PPP2R2B: variants seen among roughly 807,000 people sequenced by gnomAD.
PPP2R2B encodes serine/threonine-protein phosphatase 2A 55 kDa regulatory subunit B beta isoform.
In PPP2R2B, 5 loss-of-function variants were observed where a neutral mutation model predicts 46.0. The observed-to-expected ratio is 0.11, with a 90% CI of 0.06 to 0.23. The LOEUF (loss-of-function observed/expected upper bound fraction) is 0.23. Among genes scored for constraint, PPP2R2B ranks in the 10% least tolerant of loss-of-function variants. The pLI is 1.00. For missense variants in PPP2R2B, 367 were observed against 575.0 expected (o/e 0.64, Z 3.70); for synonymous variants, 215 against 206.7 (o/e 1.04, Z -0.34).
chr5:146,763,855 T>C (rs189961291), intron 2 of PPP2R2B, among the ~76,000 whole-genome samples: 170 of 152,224 alleles, frequency 1.1e-3, no homozygotes, highest in Non-Finnish European at 1.9e-3. Flanking sequence ...CCCAAGTAGG[T>C]GGGACTACAG....
At chr5:146,754,028 T>A (rs1290859906) in intron 2 of PPP2R2B, among the ~76,000 whole-genome samples, 1 of 152,110 alleles carries the variant, frequency 6.6e-6, no homozygotes, top group Non-Finnish European at 1.5e-5. Context: ...GGATAATTTC[T>A]CATCATAAAT....
intron 1 of PPP2R2B, among the ~76,000 whole-genome samples, chr5:147,012,414 C>T (rs908691651): frequency 3.9e-5 from 6 of 151,976 alleles, no homozygotes; most frequent in African/African-American, 1.4e-4. Context: ...TCTGTGGGAT[C>T]AGTGGTGATA....
At chr5:146,887,220 T>C (rs1362496368) in intron 1 of PPP2R2B, among the ~76,000 whole-genome samples, 1 of 152,118 alleles carries the variant, frequency 6.6e-6, no homozygotes, top group Non-Finnish European at 1.5e-5. Context: ...ATCTTTGAAA[T>C]CTGGTGTTTT....
At chr5:146,737,221 C>T (rs1402685603) in intron 2 of PPP2R2B, among the ~76,000 whole-genome samples, 1 of 152,124 alleles carries the variant, frequency 6.6e-6, no homozygotes, top group African/African-American at 2.4e-5. Flanking sequence ...ATTGACTTGT[C>T]CTGATTAGGA....
intron 1 of PPP2R2B, among the ~76,000 whole-genome samples, chr5:146,918,542 A>G (rs1322957591): frequency 1.3e-5 from 2 of 152,200 alleles, no homozygotes; most frequent in African/African-American, 2.4e-5. Flanking sequence ...AGGACTTCCC[A>G]TTGCCTTTAG....
chr5:146,737,837 T>TGCTGAGGTG (rs1372920973), intron 2 of PPP2R2B, among the ~76,000 whole-genome samples: 8 of 151,544 alleles, frequency 5.3e-5, no homozygotes, highest in Admixed American at 1.3e-4. Context: ...CTACTTGGGA[T>TGCTGAGGTG]GCTGAGGTGG....
intron 2 of PPP2R2B, among the ~76,000 whole-genome samples, chr5:146,738,594 A>G (rs1752681522): frequency 1.3e-5 from 2 of 152,122 alleles, no homozygotes; most frequent in African/African-American, 4.8e-5. Context: ...TATTTTGCAC[A>G]GTGTTAAGCA....
chr5:146,659,136 T>C lies in PPP2R2B; in HGVS notation c.448-8412A>G, dbSNP rs1373754796. ...ATGAAGCTTTTGACTTAAAAAAAAT[T>C]TGTTCACATATTCTTTTAGTGGGTA... On this transcript the variant is annotated intron_variant, in intron 5 of 9. Transcript: ENST00000394411. 1.2e-4 allele frequency among the ~76,000 whole-genome samples: 18 copies of C among 152,160 alleles called. 1 individual carries two copies. The highest frequency in any genetic ancestry group is 4.3e-4 in the African/African-American group (18 of 41,434).
chr5:147,011,363 A>G (rs907770985), intron 1 of PPP2R2B, among the ~76,000 whole-genome samples: 70 of 152,112 alleles, frequency 4.6e-4, no homozygotes, highest in African/African-American at 1.6e-3. Flanking sequence ...GTCTGTAAAA[A>G]TTATCACCCT....
At chr5:146,760,735 G>A (rs1336763633) in intron 2 of PPP2R2B, among the ~76,000 whole-genome samples, 1 of 152,000 alleles carries the variant, frequency 6.6e-6, no homozygotes, top group African/African-American at 2.4e-5. Flanking sequence ...GGGGAGGGGT[G>A]CTTTTTCAAA....
intron 2 of PPP2R2B, among the ~76,000 whole-genome samples, chr5:146,749,597 TTTTC>T (rs949987139): frequency 6.6e-6 from 1 of 150,646 alleles, no homozygotes; most frequent in Non-Finnish European, 1.5e-5. Context: ...CCTTTTTTTC[TTTTC>T]TTTTCTTTTT....
chr5:146,866,606 A>G (rs1398940476), intron 2 of PPP2R2B, among the ~76,000 whole-genome samples: 5 of 150,824 alleles, frequency 3.3e-5, no homozygotes, highest in African/African-American at 4.9e-5. Context: ...AATTATATAT[A>G]TATACACACA....
At chr5:146,621,486 G>A (rs1004362950) in intron 7 of PPP2R2B, among the ~76,000 whole-genome samples, 1 of 152,148 alleles carries the variant, frequency 6.6e-6, no homozygotes, top group Non-Finnish European at 1.5e-5. Context: ...AACAGACACT[G>A]GCGGCCCCAC....
At chr5:146,903,796 G>A (rs1326781057) in intron 1 of PPP2R2B, among the ~76,000 whole-genome samples, 1 of 152,040 alleles carries the variant, frequency 6.6e-6, no homozygotes, top group African/African-American at 2.4e-5. Context: ...TTGACCCCAG[G>A]AAAGTTAAAG....
At chr5:146,772,260 CTGTTTAGGGAGTGGGGATA>C (rs1323719367) in intron 2 of PPP2R2B, among the ~76,000 whole-genome samples, 1 of 151,762 alleles carries the variant, frequency 6.6e-6, no homozygotes, top group Admixed American at 6.6e-5. Context: ...ATGTCAGGTA[CTGTTTAGGGAGTGGGGATA>C]AAGTAGTGAA....
At chr5:146,931,339 T>C (rs1442280707) in intron 1 of PPP2R2B, among the ~76,000 whole-genome samples, 1 of 152,180 alleles carries the variant, frequency 6.6e-6, no homozygotes, top group African/African-American at 2.4e-5. Context: ...CTGACCTCCC[T>C]GCAGCTTTGA....
At chr5:147,071,858 T>C (rs1385234460) in intron 2 of PPP2R2B, among the ~76,000 whole-genome samples, 1 of 152,212 alleles carries the variant, frequency 6.6e-6, no homozygotes, top group African/African-American at 2.4e-5. Flanking sequence ...ACATAGTAGG[T>C]GCTCAGTAGA....
At chr5:146,596,333 C>G (rs986350137) in intron 8 of PPP2R2B, among the ~76,000 whole-genome samples, 1 of 152,160 alleles carries the variant, frequency 6.6e-6, no homozygotes, top group Admixed American at 6.5e-5. Context: ...AGTAGCATTA[C>G]CTGTCTCCTT....
At position 146,742,140 on chromosome 5, in the gene PPP2R2B, A is replaced by C. The variant is rs929631677; in HGVS notation, c.71-40998T>G. ...TGTTTTGAAGAATTACTGGCTAACC[A>C]TCTCAACAGCCGCCGGGGGGAACTT... On this transcript the variant is annotated intron_variant, in intron 2 of 9. Transcript: ENST00000394411. Among the ~76,000 whole-genome samples the C allele has an allele frequency of 2.0e-5, 3 of 152,356 alleles. No individual in the cohort carries two copies. The East Asian group carries it at 5.8e-4, about 29-fold the overall frequency.
Sources: allele counts gnomAD v4.1 joint callset (sites outside exome capture counted in the v4.1 genomes callset), GRCh38; gene constraint gnomAD v4.1.1; transcripts MANE v1.5; gene names NCBI Gene and HGNC (gene_info 2026-07-23, HGNC 2026-07-21).